The following CNTN1 variants were observed in gnomAD, a reference collection of about 807,000 sequenced individuals.
The protein encoded by CNTN1 is contactin 1, also known as contactin-1.
A neutral mutation model predicts 126.4 loss-of-function variants in CNTN1; 38 were observed. The observed-to-expected ratio is 0.30, with a 90% confidence interval of 0.23 to 0.39. CNTN1 has a LOEUF of 0.39. Ranked by LOEUF, CNTN1 falls within the 10% of genes least tolerant of loss-of-function variation. The pLI is 1.00. For synonymous variants in CNTN1, 413 were observed against 422.6 expected (o/e 0.98, Z 0.28); for missense variants, 1,009 against 1,248.4 (o/e 0.81, Z 2.89).
intron 1 of CNTN1, among the ~76,000 whole-genome samples, chr12:40,851,551 T>C (rs1187043730): frequency 1.3e-5 from 2 of 151,876 alleles, no homozygotes; most frequent in East Asian, 3.9e-4. Flanking sequence ...TATATGCTCA[T>C]TTTTGTTAAA....
intron 15 of CNTN1, among the ~76,000 whole-genome samples, chr12:40,978,401 A>C (rs880180): frequency 0.64 from 97,481 of 151,594 alleles, 31,500 homozygotes; most frequent in Middle Eastern, 0.68. Flanking sequence ...TACCAACACA[A>C]CCCTTTCCAT....
intron 1 of CNTN1, among the ~76,000 whole-genome samples, chr12:40,744,790 A>C (rs1938111404): frequency 6.6e-6 from 1 of 152,082 alleles, no homozygotes; most frequent in Admixed American, 6.6e-5. Flanking sequence ...AGATTCATAG[A>C]TATATTGGGA....
At chr12:40,946,233 A>C (rs2136958887) in intron 14 of CNTN1, among the ~76,000 whole-genome samples, 1 of 152,280 alleles carries the variant, frequency 6.6e-6, no homozygotes, top group Admixed American at 6.5e-5. Flanking sequence ...AATTTAAGTA[A>C]AAACGCTATA....
intron 16 of CNTN1, among the ~76,000 whole-genome samples, chr12:40,991,121 G>A (rs1435802593): frequency 4.6e-5 from 7 of 152,134 alleles, no homozygotes; most frequent in Non-Finnish European, 1.0e-4. Context: ...CAAAATCAAG[G>A]TGGTGGCAGG....
At chr12:40,914,831 A>G (rs1377215032) in intron 3 of CNTN1, among the ~76,000 whole-genome samples, 2 of 152,112 alleles carry the variant, frequency 1.3e-5, no homozygotes, top group East Asian at 3.9e-4. Flanking sequence ...TAAGGCACCA[A>G]TGTTATCCAG....
At chr12:41,020,315 T>C (rs1472270476) in intron 19 of CNTN1, 22 bp from the exon 20 acceptor site, 1 of 1,455,306 alleles carries the variant, frequency 6.9e-7, no homozygotes, top group Non-Finnish European at 9.6e-7. Context: ...ACTAATAATA[T>C]AATGTTCTCA....
At chr12:40,774,100 A>T (rs1041420900) in intron 1 of CNTN1, among the ~76,000 whole-genome samples, 46 of 151,766 alleles carry the variant, frequency 3.0e-4, no homozygotes, top group African/African-American at 1.1e-3. Context: ...ATGAGCAAAA[A>T]CATGTAATTC....
intron 17 of CNTN1, among the ~76,000 whole-genome samples, chr12:40,995,789 C>G (rs566961224): frequency 2.0e-4 from 31 of 152,282 alleles, no homozygotes; most frequent in African/African-American, 7.5e-4. Context: ...ATTTGTTAAT[C>G]TATCATCAGA....
intron 15 of CNTN1, among the ~76,000 whole-genome samples, chr12:40,975,217 T>G (rs1252525609): frequency 8.3e-6 from 1 of 120,606 alleles, no homozygotes. Context: ...TATATATATA[T>G]ATATATGTTT....
chr12:40,748,433 C>A (rs970439731), intron 1 of CNTN1, among the ~76,000 whole-genome samples: 20 of 152,116 alleles, frequency 1.3e-4, no homozygotes, highest in African/African-American at 4.6e-4. Flanking sequence ...GATTTCTAAG[C>A]CCTGGTAAAT....
chr12:40,811,529 C>T (rs1164853040), intron 1 of CNTN1, among the ~76,000 whole-genome samples: 1 of 152,090 alleles, frequency 6.6e-6, no homozygotes, highest in Non-Finnish European at 1.5e-5. Flanking sequence ...GTAAAGTCAT[C>T]CATTTCTGGG....
chr12:40,854,546 A>C (rs976378229), intron 1 of CNTN1, among the ~76,000 whole-genome samples: 4 of 152,134 alleles, frequency 2.6e-5, no homozygotes, highest in Non-Finnish European at 5.9e-5. Flanking sequence ...CTAGCTGGAG[A>C]AATAAGAAAA....
At chr12:40,997,183 T>A (rs1268957307) in intron 17 of CNTN1, among the ~76,000 whole-genome samples, 1 of 152,242 alleles carries the variant, frequency 6.6e-6, no homozygotes, top group Non-Finnish European at 1.5e-5. Flanking sequence ...AGAAAAGAGA[T>A]AACAAAAGTA....
chr12:41,056,993 AT>A (rs1227447684), intron 23 of CNTN1, among the ~76,000 whole-genome samples: 11 of 90,724 alleles, frequency 1.2e-4, no homozygotes, highest in South Asian at 3.0e-4. Flanking sequence ...ATTTATAAAT[AT>A]TATAAATATT....
chr12:41,009,045 C>T (rs1948579621), intron 17 of CNTN1, among the ~76,000 whole-genome samples: 1 of 152,206 alleles, frequency 6.6e-6, no homozygotes, highest in South Asian at 2.1e-4. Flanking sequence ...ATCCTGCCTT[C>T]TGTACTCCTT....
chr12:40,938,699 C>T (rs1177890591), intron 11 of CNTN1, among the ~76,000 whole-genome samples: 3 of 152,076 alleles, frequency 2.0e-5, no homozygotes, highest in African/African-American at 7.2e-5. Flanking sequence ...CTTTACTTTC[C>T]TTGTGGAATT....
chr12:40,863,832 G>A (rs987228786), intron 1 of CNTN1, among the ~76,000 whole-genome samples: 2 of 151,808 alleles, frequency 1.3e-5, no homozygotes, highest in Non-Finnish European at 2.9e-5. Flanking sequence ...ACAAAACTGG[G>A]ACCTGGTGCC....
At chr12:40,906,252 C>T (rs980509500) in intron 1 of CNTN1, among the ~76,000 whole-genome samples, 2 of 152,234 alleles carry the variant, frequency 1.3e-5, no homozygotes, top group South Asian at 4.1e-4. Context: ...GACTGGGCGA[C>T]AGAGAGAGAC....
At chr12:41,062,990 T>C (rs1231632434) in intron 23 of CNTN1, among the ~76,000 whole-genome samples, 1 of 152,200 alleles carries the variant, frequency 6.6e-6, no homozygotes, top group African/African-American at 2.4e-5. Flanking sequence ...AACAAAGCTC[T>C]TCACCATAAA....
Sources: allele counts gnomAD v4.1 joint callset (sites outside exome capture counted in the v4.1 genomes callset), GRCh38; gene constraint gnomAD v4.1.1; transcripts MANE v1.5; gene names NCBI Gene and HGNC (gene_info 2026-07-23, HGNC 2026-07-21).